The following GADL1 variants were observed in gnomAD, a reference collection of about 807,000 sequenced individuals.
The protein encoded by GADL1 is acidic amino acid decarboxylase GADL1.
In GADL1, 71 loss-of-function variants were observed where a neutral mutation model predicts 69.5. The ratio of observed to expected loss-of-function variants is 1.02; its 90% CI spans 0.84 to 1.25. The LOEUF (loss-of-function observed/expected upper bound fraction) is 1.25. Among genes scored for constraint, GADL1 ranks in the 50% most tolerant of loss-of-function variants. GADL1 has a pLI of 0.00. For missense variants in GADL1, 737 were observed against 631.8 expected (o/e 1.17, Z -1.79); for synonymous variants, 254 against 214.4 (o/e 1.18, Z -1.62).
intron 11 of GADL1, among the ~76,000 whole-genome samples, chr3:30,805,734 C>CTGTTTTTTTTTTTTTTTTTTT (rs1697240831): frequency 1.5e-5 from 1 of 66,094 alleles, no homozygotes; most frequent in African/African-American, 8.5e-5. Flanking sequence ...AGTCCCCAGC[C>CTGTTTTTTTTTTTTTTTTTTT]TTTTTTTTTT....
chr3:30,846,918 C>T (rs1698067841), intron 6 of GADL1, among the ~76,000 whole-genome samples: 1 of 152,184 alleles, frequency 6.6e-6, no homozygotes, highest in Non-Finnish European at 1.5e-5. Context: ...CCCTACATAA[C>T]TCACTTGCCT....
chr3:30,749,947 A>T (rs1695776644), intron 14 of GADL1, among the ~76,000 whole-genome samples: 1 of 152,196 alleles, frequency 6.6e-6, no homozygotes, highest in African/African-American at 2.4e-5. Context: ...GATGAGGGCC[A>T]ATGGAAAAGA....
intron 14 of GADL1, among the ~76,000 whole-genome samples, chr3:30,743,037 C>T (rs1001924973): frequency 1.3e-5 from 2 of 152,036 alleles, no homozygotes; most frequent in South Asian, 2.1e-4. Flanking sequence ...TCCATCTCCT[C>T]AGATGGTTTT....
intron 3 of GADL1, 110 bp downstream of exon 3, chr3:30,856,905 T>G: frequency 2.3e-6 from 2 of 853,722 alleles, no homozygotes; most frequent in Non-Finnish European, 3.5e-6. Context: ...ACTAATTTTT[T>G]GATCCAGATT....
At chr3:30,762,339 A>C (rs1394282354) in intron 14 of GADL1, among the ~76,000 whole-genome samples, 1 of 152,188 alleles carries the variant, frequency 6.6e-6, no homozygotes, top group African/African-American at 2.4e-5. Context: ...TTCAATATAT[A>C]AGGGTCCTTC....
At chr3:30,863,249 A>G (rs1698348409) in intron 1 of GADL1, among the ~76,000 whole-genome samples, 1 of 151,894 alleles carries the variant, frequency 6.6e-6, no homozygotes, top group Non-Finnish European at 1.5e-5. Flanking sequence ...GAGAGCCCCT[A>G]ATTTTTCAGC....
At chr3:30,754,081 C>T (rs182180741) in intron 14 of GADL1, among the ~76,000 whole-genome samples, 9 of 152,332 alleles carry the variant, frequency 5.9e-5, no homozygotes, top group East Asian at 5.8e-4. Flanking sequence ...ATTAGTCACA[C>T]AGGCTTTCCT....
chr3:30,783,157 T>C lies in GADL1; in HGVS notation c.1302+3198A>G, dbSNP rs554138406. ...GAAGTTGACTATATGTCCTCGAAGA[T>C]CTTCTATAACTCAGTTGATGAAACA... On this transcript the variant is annotated intron_variant, in intron 13 of 14. Transcript: ENST00000282538. Among the ~76,000 whole-genome samples, 13 of 152,316 alleles carry C rather than the reference T, an allele frequency of 8.5e-5. No homozygotes were observed. The South Asian group carries it at 2.7e-3, about 32-fold the overall frequency.
At chr3:30,862,107 G>T (rs1698329780) in intron 1 of GADL1, among the ~76,000 whole-genome samples, 1 of 151,876 alleles carries the variant, frequency 6.6e-6, no homozygotes, top group Admixed American at 6.6e-5. Flanking sequence ...CAATTCCCAT[G>T]CTAGATGGTG....
rs1348518687 is a variant in GADL1, at chr3:30,740,975, TAA to T, written c.1393-12562_1393-12561del. ...AATATATTTATTATATATTATATATTAATATATATTATATATTATATATTAAT... is the reference window on the plus strand; with the variant it reads ...AATATATTTATTATATATTATATATTTATATATTATATATTATATATTAAT... On this transcript the variant is annotated intron_variant, in intron 14 of 14. Coordinates refer to ENST00000282538, the MANE Select transcript of GADL1 (RefSeq NM_207359.3). Among the ~76,000 whole-genome samples the T allele has an allele frequency of 9.5e-4, 123 of 129,692 alleles. 1 individual carries two copies. Among genetic ancestry groups the T allele is most frequent in the Non-Finnish European group, 1.4e-3 (92 of 64,760 alleles). The allele number at this position is 129,692 out of a possible 152,430, so 85.1% of individuals were successfully genotyped here. A position where few individuals can be genotyped will look rare whatever the true frequency, so the allele number is the denominator to read the frequency against.
chr3:30,867,423 C>CATATATATATAT lies in GADL1; in HGVS notation c.38-5670_38-5659dup, dbSNP rs148660336. On this transcript the variant is annotated intron_variant, in intron 1 of 14. Coordinates refer to ENST00000282538, the MANE Select transcript of GADL1 (RefSeq NM_207359.3). ...TAAGAACTGAAAAATTACAATACTA[C>CATATATATATAT]ATATATATATATATATACACATATA... Among the ~76,000 whole-genome samples the CATATATATATAT allele has an allele frequency of 1.7e-3, 197 of 115,092 alleles. 1 individual carries two copies. The highest frequency in any genetic ancestry group is 4.9e-3 in the African/African-American group (175 of 35,694). The allele number at this position is 115,092 out of a possible 152,430, so 75.5% of individuals were successfully genotyped here. A position where few individuals can be genotyped will look rare whatever the true frequency, so the allele number is the denominator to read the frequency against.
rs1357498173 is a variant in GADL1 at position 30,726,249 on chromosome 3, G to A, written c.*1993C>T. On this transcript the variant is annotated 3_prime_UTR_variant, in exon 15 of 15. Coordinates refer to ENST00000282538, the MANE Select transcript of GADL1 (RefSeq NM_207359.3). ...TTCAAGGTGTTAACTAAAATACAGA[G>A]AGCTTTCAACCTACTTTTTCAGTCA... 6.6e-6 allele frequency: 1 copy of A among 152,028 alleles called. No homozygotes were observed. The highest frequency in any genetic ancestry group is 1.9e-4 in the East Asian group (1 of 5,192). 9.4% of individuals were successfully genotyped at this position (152,028 alleles called of 1,614,324 possible). A position where few individuals can be genotyped will look rare whatever the true frequency, so the allele number is the denominator to read the frequency against.
At chr3:30,782,938 G>C (rs950101940) in intron 13 of GADL1, among the ~76,000 whole-genome samples, 2 of 152,118 alleles carry the variant, frequency 1.3e-5, no homozygotes, top group Non-Finnish European at 1.5e-5. Context: ...AGTTTTATTA[G>C]ATTACAAGAT....
intron 14 of GADL1, among the ~76,000 whole-genome samples, chr3:30,737,983 T>A (rs1695562600): frequency 6.6e-6 from 1 of 152,214 alleles, no homozygotes; most frequent in African/African-American, 2.4e-5. Context: ...GTCAGTCATA[T>A]ATTCAAGGCA....
intron 1 of GADL1, among the ~76,000 whole-genome samples, chr3:30,875,818 C>G (rs1182933482): frequency 6.6e-6 from 1 of 151,778 alleles, no homozygotes; most frequent in African/African-American, 2.4e-5. Flanking sequence ...CAGCATATTG[C>G]AGTTTATCCT....
chr3:30,729,112 A>G (rs779057092), intron 14 of GADL1, among the ~76,000 whole-genome samples: 45 of 152,318 alleles, frequency 3.0e-4, no homozygotes, highest in Non-Finnish European at 6.2e-4. Context: ...TTAAAGATCT[A>G]TAGCTGACAT....
intron 12 of GADL1, among the ~76,000 whole-genome samples, chr3:30,795,552 C>A (rs1309799528): frequency 6.6e-6 from 1 of 152,038 alleles, no homozygotes; most frequent in Non-Finnish European, 1.5e-5. Context: ...ACTGCCATAC[C>A]ACTGCATATA....
Position 30,749,332 on chromosome 3 carries a change from C to T in GADL1, c.1393-20917G>A, listed in dbSNP as rs1695763543. ...TCATAGGCCACTAGGAACACAGTGACCTCCCATTACACTCTTGGTCTTCTC... is the reference window on the plus strand; with the variant it reads ...TCATAGGCCACTAGGAACACAGTGATCTCCCATTACACTCTTGGTCTTCTC... On this transcript the variant is annotated intron_variant, in intron 14 of 14. Coordinates refer to ENST00000282538, the MANE Select transcript of GADL1 (RefSeq NM_207359.3). Among the ~76,000 whole-genome samples the T allele has an allele frequency of 2.0e-5, 3 of 152,202 alleles. No individual in the cohort carries two copies. The South Asian group carries it at 6.2e-4, about 31-fold the overall frequency.
intron 13 of GADL1, among the ~76,000 whole-genome samples, chr3:30,781,195 A>G (rs1319571400): frequency 6.6e-6 from 1 of 152,194 alleles, no homozygotes; most frequent in East Asian, 1.9e-4. Context: ...AATTCATGAT[A>G]AAGGAGTAAT....
Sources: allele counts gnomAD v4.1 joint callset (sites outside exome capture counted in the v4.1 genomes callset), GRCh38; gene constraint gnomAD v4.1.1; transcripts MANE v1.5; gene names NCBI Gene and HGNC (gene_info 2026-07-23, HGNC 2026-07-21).